Variants in KCNH4 observed in about 807,000 individuals in gnomAD.
KCNH4 encodes the protein voltage-gated delayed rectifier potassium channel KCNH4.
A neutral mutation model predicts 90.7 loss-of-function variants in KCNH4; 33 were observed. That is an observed-to-expected ratio of 0.36 (90% CI 0.28 to 0.49). The LOEUF (loss-of-function observed/expected upper bound fraction) is 0.49, where lower values mean the gene tolerates loss of function less well. Among genes scored for constraint, KCNH4 ranks in the 20% least tolerant of loss-of-function variants. The pLI, the probability that KCNH4 is intolerant of heterozygous loss-of-function variation, is 0.98. For missense variants in KCNH4, 1,044 were observed against 1,387.1 expected, an observed-to-expected ratio of 0.75 and a Z score of 3.93; for synonymous variants, 551 against 581.7, an observed-to-expected ratio of 0.95 and a Z score of 0.76.
In KCNH4 at chr17:42,165,493, G is replaced by T; in HGVS notation, c.2041C>A (p.Pro681Thr). Residue 681 changes from proline to threonine, a missense_variant, in exon 11 of 17, where the codon CCC (proline) becomes ACC (threonine). Physicochemically the swap from Pro to Thr is conservative, Grantham distance 38. Coordinates refer to ENST00000264661, the MANE Select transcript of KCNH4 (RefSeq NM_012285.3). ...EYGAAFRAGLPRDLTFNLRQG... is the reference protein window; with the variant it reads ...EYGAAFRAGLTRDLTFNLRQG... ...CGCAGGTTGAAGGTGAGGTCCCGGG[G>T]CAGGCCAGCCCGGAAGGCAGCCCCA... The T allele has an allele frequency of 6.2e-7, 1 of 1,614,178 alleles. No individual in the cohort carries two copies. Among genetic ancestry groups the T allele is most frequent in the Middle Eastern group, 1.6e-4 (1 of 6,062 alleles).
rs147962863 is a variant in KCNH4, at chr17:42,178,910, A to G, written c.193T>C (p.Cys65Arg). Residue 65 changes from cysteine (C) to arginine (R), a missense_variant, in exon 2 of 17, where the codon TGC (cysteine) becomes CGC (arginine). Around this residue, in one of 4 missense-constraint regions of KCNH4, gnomAD observed 283 missense variants for 378.6 expected, o/e 0.75. Transcript: ENST00000264661. Reference sequence around the variant, plus strand: ...GGGCCGTAGAGGAAACGGCAGCTGCAGGTCTTCTGCATGACCTCGGTGCGA... The same window carrying G: ...GGGCCGTAGAGGAAACGGCAGCTGCGGGTCTTCTGCATGACCTCGGTGCGA... ...YGRTEVMQKT[C>R]SCRFLYGPET... is the part of the protein sequence containing the mutation. 1.2e-6 allele frequency: 2 copies of G among 1,614,210 alleles called. No homozygotes were observed. The highest frequency in any genetic ancestry group is 2.7e-5 in the African/African-American group (2 of 75,070).
At position 42,160,339 on chromosome 17, in the gene KCNH4, C is replaced by T. The variant is rs2079737283; in HGVS notation, c.2755G>A (p.Ala919Thr). 6.2e-7 allele frequency: 1 copy of T among 1,614,124 alleles called. No individual in the cohort carries two copies. Among genetic ancestry groups the T allele is most frequent in the East Asian group, 2.2e-5 (1 of 44,868 alleles). The stretch of plus-strand genomic sequence containing the variant: ...GGGTCTGGGGTCCAAGCGGAGCCTG[C>T]TGGGTGGCCTGGGGGACCCAGCCTG... ...QARLGPPGHP[A>T]GSAWTPDPPC... is the part of the protein sequence containing the mutation. Residue 919 changes from alanine (A) to threonine (T), a missense_variant, in exon 16 of 17, where the codon GCA becomes ACA. Ala to Thr is a moderately conservative substitution (Grantham distance 58). This residue lies in a region of KCNH4 where 441 missense variants were observed against 512.3 expected (regional missense o/e 0.86). Transcript: ENST00000264661.
chr17:42,163,433 A>C lies in KCNH4; in HGVS notation c.2478-99T>G. On this transcript the variant is annotated intron_variant, in intron 13 of 16. Transcript: ENST00000264661. This position sits in a 1 kb window ranked among gnomAD's most constrained non-coding sequence, Gnocchi z 5.4. ...TGGGGGCAGCAGTGCCAGGGGGCGG[A>C]GCAAGAGCAGCAGTCAAAGTGGGTT... 1 of 891,388 alleles carries C rather than the reference A, an allele frequency of 1.1e-6. No homozygotes were observed. Among genetic ancestry groups the C allele is most frequent in the Non-Finnish European group, 1.8e-6 (1 of 563,800 alleles). The allele number at this position is 891,388 out of a possible 1,614,324, so 55.2% of individuals were successfully genotyped here. A position where few individuals can be genotyped will look rare whatever the true frequency, so the allele number is the denominator to read the frequency against.
At chr17:42,172,141 C>A in intron 6 of KCNH4, 146 bp from the exon 7 acceptor site, 1 of 637,102 alleles carries the variant, frequency 1.6e-6, no homozygotes, top group Non-Finnish European at 2.8e-6. Context: ...AGAAAGTGGC[C>A]AAGGAATGCA....
At chr17:42,161,013 G>A (rs570624277) in intron 15 of KCNH4, among the ~76,000 whole-genome samples, 1 of 127,630 alleles carries the variant, frequency 7.8e-6, no homozygotes, top group African/African-American at 3.0e-5. Context: ...TGCAAGCTCC[G>A]CCTCCCGGGT....
intron 4 of KCNH4, among the ~76,000 whole-genome samples, chr17:42,177,388 G>C (rs2079869726): frequency 6.6e-6 from 1 of 150,548 alleles, no homozygotes; most frequent in Non-Finnish European, 1.5e-5. Flanking sequence ...TTTTAGAAAA[G>C]GGGTCTCACT....
rs375796842 is a variant in KCNH4 at position 42,178,344 on chromosome 17, C to T, written c.444G>A (p.Gly148=). 5 of 1,614,070 alleles carry T rather than the reference C, an allele frequency of 3.1e-6. No individual in the cohort carries two copies. The African/African-American group carries it at 4.0e-5, about 13-fold the overall frequency. Residue 148 remains glycine (G), a synonymous_variant, in exon 3 of 17, where the codon GGG becomes GGA. Transcript: ENST00000264661. The stretch of plus-strand genomic sequence containing the variant: ...ACTTGCTGTTACCGTGATTACTGTC[C>T]CCGCGGCCTCCTTGGGGGCCAAGTC... ...SPGLGPQGGR[G]DSNHENSLGR... is the part of the protein sequence containing the mutation.
chr17:42,164,826 C>G (rs1403876210), intron 11 of KCNH4, among the ~76,000 whole-genome samples: 1 of 147,272 alleles, frequency 6.8e-6, no homozygotes, highest in Non-Finnish European at 1.5e-5. Flanking sequence ...GAAAACAAGA[C>G]CGGGCATTGT....
intron 6 of KCNH4, among the ~76,000 whole-genome samples, chr17:42,174,383 G>A (rs2079847968): frequency 6.6e-6 from 1 of 152,184 alleles, no homozygotes; most frequent in Non-Finnish European, 1.5e-5. Flanking sequence ...GGGGCAGGGG[G>A]CTCTCTGTAG....
intron 9 of KCNH4, among the ~76,000 whole-genome samples, chr17:42,168,179 C>T (rs950995652): frequency 6.6e-6 from 1 of 152,190 alleles, no homozygotes; most frequent in South Asian, 2.1e-4. Flanking sequence ...ATCTTTCTGC[C>T]TCCCTCAATA....
In KCNH4 at chr17:42,160,087, T is replaced by G. The variant is rs1598265742; in HGVS notation, c.3007A>C (p.Ser1003Arg). Residue 1003 changes from serine to arginine, a missense_variant, in exon 16 of 17, where the codon AGC becomes CGC. Ser to Arg is a moderately radical substitution (Grantham distance 110, BLOSUM62 -1). Transcript: ENST00000264661. ...PVPEASPPTP[S>R]LLRHSFQSRS... is the part of the protein sequence containing the mutation. ...GACTGGAAACTGTGCCTCAAGAGGC[T>G]TGGGGTTGGGGGTGAGGCCTCTGGC... 6.4e-7 allele frequency: 1 copy of G among 1,561,126 alleles called. No individual in the cohort carries two copies. The highest frequency in any genetic ancestry group is 2.3e-5 in the East Asian group (1 of 44,314).
At position 42,171,710 on chromosome 17, in the gene KCNH4, G is replaced by T. The variant is rs936300658; in HGVS notation, c.1195+78C>A. On this transcript the variant is annotated intron_variant, in intron 7 of 16. Transcript: ENST00000264661. ...TAGAGGAATGTGGGATGAGGGGTGT[G>T]GGTACTGGTGGAGGCATCAGCTTGG... 49 of 1,241,942 alleles carry T rather than the reference G, an allele frequency of 3.9e-5. No homozygotes were observed. The Admixed American group carries it at 8.3e-4, about 21-fold the overall frequency. 76.9% of individuals were successfully genotyped at this position (1,241,942 alleles called of 1,614,324 possible). A position where few individuals can be genotyped will look rare whatever the true frequency, so the allele number is the denominator to read the frequency against.
chr17:42,168,750 A>ATTTATTTATTTT (rs1287739208), intron 9 of KCNH4, among the ~76,000 whole-genome samples: 2 of 141,244 alleles, frequency 1.4e-5, no homozygotes, highest in African/African-American at 6.0e-5. Context: ...CTTTTATTTT[A>ATTTATTTATTTT]TTTATTTATT....
chr17:42,166,612 C>G (rs2079790202), intron 9 of KCNH4, 66 bp from the exon 10 acceptor site: 1 of 1,542,572 alleles, frequency 6.5e-7, no homozygotes, highest in Non-Finnish European at 8.8e-7. Context: ...TACAAATGTG[C>G]TGAGCTGTCT....
Position 42,163,170 on chromosome 17 carries a change from G to C in KCNH4, c.2584+58C>G, listed in dbSNP as rs2079760368. 8.4e-7 allele frequency: 1 copy of C among 1,193,514 alleles called. No homozygotes were observed. The highest frequency in any genetic ancestry group is 1.3e-6 in the Non-Finnish European group (1 of 797,754). 73.9% of individuals were successfully genotyped at this position (1,193,514 alleles called of 1,614,324 possible). A position where few individuals can be genotyped will look rare whatever the true frequency, so the allele number is the denominator to read the frequency against. ...GTAGGCCCCTACTACATATGGGATG[G>C]ATGGACAGGTGGATGGGCAGATGGA... On this transcript the variant is annotated intron_variant, in intron 14 of 16. Transcript: ENST00000264661. This position sits in a 1 kb window ranked among gnomAD's most constrained non-coding sequence, Gnocchi z 5.4.
At chr17:42,178,042 G>A in intron 4 of KCNH4, 58 bp downstream of exon 4, 1 of 1,577,416 alleles carries the variant, frequency 6.3e-7, no homozygotes, top group Non-Finnish European at 8.6e-7. Flanking sequence ...AGTGGCAGGG[G>A]TGCCTCAGAA....
rs768426723 is a variant in KCNH4 at position 42,166,400 on chromosome 17, C to G, written c.1737G>C (p.Pro579=). 1.2e-6 allele frequency: 2 copies of G among 1,613,972 alleles called. No individual in the cohort carries two copies. Among genetic ancestry groups the G allele is most frequent in the African/African-American group, 1.3e-5 (1 of 75,020 alleles). ...CCCCACGGCGCAACAGGTACTCGCC[C>G]GGAGCGCAGAACGAGGTCTTGATGT... ...SLHIKTSFCA[P]GEYLLRRGDA... is the part of the protein sequence containing the mutation. Residue 579 remains proline, a synonymous_variant, in exon 10 of 17, where the codon CCG becomes CCC. Transcript: ENST00000264661.
chr17:42,163,627 C>T lies in KCNH4; in HGVS notation c.2456G>A (p.Gly819Glu). 1.3e-6 allele frequency: 2 copies of T among 1,492,970 alleles called. No individual in the cohort carries two copies. Among genetic ancestry groups the T allele is most frequent in the Non-Finnish European group, 1.8e-6 (2 of 1,114,858 alleles). The allele number at this position is 1,492,970 out of a possible 1,614,324, so 92.5% of individuals were successfully genotyped here. The change falls in exon 13 of 17, where the codon GGA (glycine) becomes GAA (glutamate). Residue 819 changes from glycine to glutamate, a missense_variant. Transcript: ENST00000264661. The surrounding 1 kb of genome is among the most constrained non-coding windows in gnomAD (Gnocchi z 5.4). ...QLLIPPLGTF[G>E]PPDLSPRIVD... is the part of the protein sequence containing the mutation. ...TCACCGGGGACTGAGGTCCGGAGGT[C>T]CAAAGGTTCCCAGTGGGGGAATGAG... is the stretch of plus-strand genomic sequence containing the variant.
chr17:42,157,192 A>G (rs1004300196), intron 16 of KCNH4, 74 bp from the exon 17 acceptor site: 1 of 152,198 alleles, frequency 6.6e-6, no homozygotes, highest in African/African-American at 2.4e-5. Flanking sequence ...TGGGCCCAAA[A>G]AGCACCTGTT....
Sources: allele counts gnomAD v4.1 joint callset (sites outside exome capture counted in the v4.1 genomes callset), GRCh38; gene constraint gnomAD v4.1.1; regional missense constraint gnomAD v4.1.1; non-coding constraint Gnocchi (gnomAD v3.1); transcripts MANE v1.5; gene names NCBI Gene and HGNC (gene_info 2026-07-23, HGNC 2026-07-21).